The following ST8SIA6 variants were observed in gnomAD, a reference collection of about 807,000 sequenced individuals.
ST8SIA6 encodes ST8 alpha-N-acetyl-neuraminide alpha-2,8-sialyltransferase 6, also known as alpha-2,8-sialyltransferase 8F.
A neutral mutation model predicts 33.6 loss-of-function variants in ST8SIA6; 39 were observed. The observed-to-expected ratio is 1.16, with a 90% CI of 0.90 to 1.52. The LOEUF (loss-of-function observed/expected upper bound fraction) is 1.52. Among genes scored for constraint, ST8SIA6 ranks in the 40% most tolerant of loss-of-function variants. ST8SIA6 has a pLI of 0.00. For synonymous variants in ST8SIA6, 172 were observed against 167.2 expected (o/e 1.03, Z -0.22); for missense variants, 441 against 443.8 (o/e 0.99, Z 0.06).
intron 2 of ST8SIA6, among the ~76,000 whole-genome samples, chr10:17,445,244 T>C (rs1162147290): frequency 6.6e-6 from 1 of 152,218 alleles, no homozygotes; most frequent in Non-Finnish European, 1.5e-5. Context: ...CAACTTTCAA[T>C]ATAAGACAGC....
At chr10:17,400,186 T>C (rs1351132859) in intron 2 of ST8SIA6, among the ~76,000 whole-genome samples, 2 of 152,178 alleles carry the variant, frequency 1.3e-5, no homozygotes, top group African/African-American at 4.8e-5. Context: ...ATCAGTTAAC[T>C]GCAACTTGGA....
intron 2 of ST8SIA6, among the ~76,000 whole-genome samples, chr10:17,405,042 A>G (rs562190411): frequency 9.4e-4 from 143 of 152,222 alleles, no homozygotes; most frequent in Non-Finnish European, 1.9e-3. Flanking sequence ...ACTCAGCTCA[A>G]TAGTTCTGAT....
At chr10:17,353,742 T>G (rs1261291201) in intron 4 of ST8SIA6, among the ~76,000 whole-genome samples, 1 of 152,188 alleles carries the variant, frequency 6.6e-6, no homozygotes, top group Non-Finnish European at 1.5e-5. Flanking sequence ...GCATGAGTCA[T>G]AAATGTGTGG....
intron 2 of ST8SIA6, among the ~76,000 whole-genome samples, chr10:17,398,046 G>A (rs1475606362): frequency 2.0e-5 from 3 of 152,208 alleles, no homozygotes; most frequent in East Asian, 3.8e-4. Flanking sequence ...AAGACTCTGG[G>A]CTGGGCACAG....
chr10:17,365,215 A>C (rs1215986197), intron 3 of ST8SIA6, among the ~76,000 whole-genome samples: 2 of 152,204 alleles, frequency 1.3e-5, no homozygotes, highest in Non-Finnish European at 2.9e-5. Context: ...CTACTAAATG[A>C]TAATAAATGT....
At chr10:17,444,089 T>A (rs1852608696) in intron 2 of ST8SIA6, among the ~76,000 whole-genome samples, 1 of 152,338 alleles carries the variant, frequency 6.6e-6, no homozygotes, top group East Asian at 1.9e-4. Flanking sequence ...TGTTTCTCTA[T>A]AACCACCCCT....
intron 3 of ST8SIA6, among the ~76,000 whole-genome samples, chr10:17,382,000 A>C (rs1380636641): frequency 2.0e-5 from 3 of 152,234 alleles, no homozygotes; most frequent in African/African-American, 7.2e-5. Flanking sequence ...GGTTAACAGC[A>C]AGATGGAGTC....
chr10:17,424,395 T>A lies in ST8SIA6; in HGVS notation c.200+29164A>T, dbSNP rs137865758. Among the ~76,000 whole-genome samples, 1,027 of 152,238 alleles carry A rather than the reference T, an allele frequency of 6.7e-3. 5 individuals are homozygous for A. Among genetic ancestry groups the A allele is most frequent in the Middle Eastern group, 0.017 (5 of 294 alleles). ...CTGGGATTACAGGTGTGAGCCACCGTTCCTGGCCTATTTCCAAGTTCTGTT... is the reference window on the plus strand; with the variant it reads ...CTGGGATTACAGGTGTGAGCCACCGATCCTGGCCTATTTCCAAGTTCTGTT... On this transcript the variant is annotated intron_variant, in intron 2 of 7. Transcript: ENST00000377602.
intron 2 of ST8SIA6, among the ~76,000 whole-genome samples, chr10:17,450,737 C>T (rs1403106740): frequency 3.3e-5 from 5 of 152,180 alleles, no homozygotes; most frequent in South Asian, 2.1e-4. Flanking sequence ...CCTCCGTGCT[C>T]GGCCTACTTG....
chr10:17,425,703 GGAGGAAGGAAGGGAAGGAAGGAA>G (rs1851916013), intron 2 of ST8SIA6, among the ~76,000 whole-genome samples: 5 of 138,264 alleles, frequency 3.6e-5, no homozygotes, highest in Non-Finnish European at 7.9e-5. Context: ...AAGGTAGGAA[GGAGGAAGGAAGGGAAGGAAGGAA>G]GGAGGAAGGA....
intron 2 of ST8SIA6, among the ~76,000 whole-genome samples, chr10:17,411,004 G>A (rs1051276013): frequency 2.6e-5 from 4 of 152,036 alleles, no homozygotes; most frequent in African/African-American, 7.3e-5. Flanking sequence ...AAAATGAAGC[G>A]ATACAATTAC....
At chr10:17,431,051 TAA>T (rs2131721358) in intron 2 of ST8SIA6, among the ~76,000 whole-genome samples, 1 of 152,354 alleles carries the variant, frequency 6.6e-6, no homozygotes, top group South Asian at 2.1e-4. Flanking sequence ...CACTTATGGC[TAA>T]AAAGATTTAG....
chr10:17,326,866 A>G (rs74117634), intron 6 of ST8SIA6, 148 bp downstream of exon 6: 7,156 of 496,346 alleles, frequency 0.014, 420 homozygotes, highest in African/African-American at 0.13. Flanking sequence ...TGAGCCACAT[A>G]ACACTTCAGG....
intron 4 of ST8SIA6, among the ~76,000 whole-genome samples, chr10:17,358,897 G>T (rs1325802948): frequency 6.6e-6 from 1 of 152,162 alleles, no homozygotes; most frequent in Non-Finnish European, 1.5e-5. Flanking sequence ...AGGTATGGGG[G>T]TAAGAACTAT....
intron 3 of ST8SIA6, among the ~76,000 whole-genome samples, chr10:17,365,818 C>G (rs1849540345): frequency 6.6e-6 from 1 of 152,108 alleles, no homozygotes; most frequent in Non-Finnish European, 1.5e-5. Context: ...GCTGAGATAC[C>G]AATTTGGTTT....
intron 2 of ST8SIA6, 88 bp downstream of exon 2, chr10:17,453,471 C>T (rs1042958098): frequency 3.5e-5 from 37 of 1,061,760 alleles, no homozygotes; most frequent in Non-Finnish European, 4.5e-5. Flanking sequence ...CCTGCCTACT[C>T]CCAACGAGTC....
chr10:17,449,000 T>G (rs1852822796), intron 2 of ST8SIA6, among the ~76,000 whole-genome samples: 1 of 151,340 alleles, frequency 6.6e-6, no homozygotes. Context: ...AATAAAATAT[T>G]CAAAGTCTTC....
chr10:17,449,530 A>C (rs757814494), intron 2 of ST8SIA6, among the ~76,000 whole-genome samples: 1 of 152,236 alleles, frequency 6.6e-6, no homozygotes, highest in Non-Finnish European at 1.5e-5. Flanking sequence ...AGAGAAGATA[A>C]GGTAATAATC....
chr10:17,413,852 G>A (rs1474844863), intron 2 of ST8SIA6, among the ~76,000 whole-genome samples: 1 of 152,140 alleles, frequency 6.6e-6, no homozygotes, highest in Non-Finnish European at 1.5e-5. Context: ...CGTTTACCAA[G>A]TATTTCCATT....
Sources: gnomAD v4.1 joint callset for allele counts (sites outside exome capture counted in the v4.1 genomes callset) on GRCh38, gnomAD v4.1.1 for gene constraint, MANE v1.5 for transcripts, NCBI Gene and HGNC (gene_info 2026-07-23, HGNC 2026-07-21) for gene names.